Variants in CEMIP2 observed in about 807,000 individuals in gnomAD.
The protein encoded by CEMIP2 is cell surface hyaluronidase CEMIP2.
A neutral mutation model predicts 146.9 loss-of-function variants in CEMIP2; 79 were observed. That is an observed-to-expected ratio of 0.54 (90% CI 0.45 to 0.65). The LOEUF is 0.65. Among genes scored for constraint, CEMIP2 ranks in the 30% least tolerant of loss-of-function variants. The pLI, the probability that CEMIP2 is intolerant of heterozygous loss-of-function variation, is 0.00. For missense variants in CEMIP2, 1,596 were observed against 1,696.2 expected, an observed-to-expected ratio of 0.94 and a Z score of 1.04; for synonymous variants, 601 against 606.3, an observed-to-expected ratio of 0.99 and a Z score of 0.13.
At position 71,700,003 on chromosome 9, in the gene CEMIP2, G is replaced by A. The variant is rs114621260; in HGVS notation, c.3377+639C>T. Among the ~76,000 whole-genome samples, 1,332 of 152,240 alleles carry A rather than the reference G, an allele frequency of 8.7e-3. 28 individuals carry two copies. The highest frequency in any genetic ancestry group is 0.03 in the African/African-American group (1,253 of 41,534). Reference sequence around the variant, plus strand: ...TCCATTGGTATCTTTATAGTGCATAGACAATGGCATATAGGAGGAATGTCT... The same window carrying A: ...TCCATTGGTATCTTTATAGTGCATAAACAATGGCATATAGGAGGAATGTCT... On this transcript the variant is annotated intron_variant, in intron 19 of 23. Transcript: ENST00000377044.
intron 1 of CEMIP2, among the ~76,000 whole-genome samples, chr9:71,757,007 G>A (rs936318616): frequency 6.6e-6 from 1 of 152,200 alleles, no homozygotes; most frequent in Non-Finnish European, 1.5e-5. Flanking sequence ...CTCTTTAAAA[G>A]GGATTTTAGT....
chr9:71,744,325 C>T (rs770375400), intron 4 of CEMIP2, among the ~76,000 whole-genome samples: 3 of 152,008 alleles, frequency 2.0e-5, no homozygotes, highest in Non-Finnish European at 4.4e-5. Flanking sequence ...CAGTGAGATA[C>T]GATTGTACCA....
At chr9:71,729,478 G>A (rs1564013481) in intron 10 of CEMIP2, among the ~76,000 whole-genome samples, 1 of 152,034 alleles carries the variant, frequency 6.6e-6, no homozygotes, top group Non-Finnish European at 1.5e-5. Context: ...AATTAGCTGG[G>A]CGTGGTAGCA....
chr9:71,757,738 CTGGTT>C (rs886889776), intron 1 of CEMIP2, among the ~76,000 whole-genome samples: 4 of 152,092 alleles, frequency 2.6e-5, no homozygotes, highest in Non-Finnish European at 4.4e-5. Flanking sequence ...TTTAGATCTT[CTGGTT>C]TGGTTTGGTT....
At chr9:71,691,420 G>GAAAT (rs1822222902) in intron 21 of CEMIP2, among the ~76,000 whole-genome samples, 1 of 127,002 alleles carries the variant, frequency 7.9e-6, no homozygotes, top group Admixed American at 7.7e-5. Flanking sequence ...TCTGTCTCAG[G>GAAAT]AAAAAAAAAA....
intron 10 of CEMIP2, among the ~76,000 whole-genome samples, chr9:71,726,778 G>A (rs938229206): frequency 2.6e-5 from 4 of 152,152 alleles, no homozygotes; most frequent in African/African-American, 9.7e-5. Context: ...TCTGAAAAAT[G>A]TTTGCTACCT....
Position 71,700,051 on chromosome 9 carries a change from A to T in CEMIP2, c.3377+591T>A, listed in dbSNP as rs182908044. On this transcript the variant is annotated intron_variant, in intron 19 of 23. Transcript: ENST00000377044. Reference sequence around the variant, plus strand: ...TCTGCGTGAGGAGAAAGGCTGAAGGAACACGCTACCTGCTGGAAGAGTACA... The same window carrying T: ...TCTGCGTGAGGAGAAAGGCTGAAGGTACACGCTACCTGCTGGAAGAGTACA... Among the ~76,000 whole-genome samples the T allele has an allele frequency of 2.9e-3, 443 of 152,330 alleles. 2 individuals are homozygous for T. The highest frequency in any genetic ancestry group is 6.8e-3 in the Middle Eastern group (2 of 294).
At chr9:71,756,835 T>C (rs1389187857) in intron 1 of CEMIP2, among the ~76,000 whole-genome samples, 1 of 152,176 alleles carries the variant, frequency 6.6e-6, no homozygotes, top group African/African-American at 2.4e-5. Context: ...CAATATTTTG[T>C]AATAGTTTTA....
intron 1 of CEMIP2, among the ~76,000 whole-genome samples, chr9:71,756,090 T>G (rs886630680): frequency 6.6e-6 from 1 of 150,830 alleles, no homozygotes; most frequent in Non-Finnish European, 1.5e-5. Flanking sequence ...CAGGAGTGAT[T>G]GGTATTCTCG....
chr9:71,724,243 G>A (rs1221841143), intron 11 of CEMIP2, among the ~76,000 whole-genome samples: 6 of 151,816 alleles, frequency 4.0e-5, no homozygotes, highest in African/African-American at 1.5e-4. Context: ...GCAGTGAGCT[G>A]AGATCGCACC....
chr9:71,741,644 T>G (rs1823921654), intron 4 of CEMIP2, among the ~76,000 whole-genome samples: 2 of 133,008 alleles, frequency 1.5e-5, no homozygotes, highest in South Asian at 2.7e-4. Flanking sequence ...TTTTTTTTTT[T>G]TTTTTTTTTT....
chr9:71,768,497 G>A lies in CEMIP2; in HGVS notation c.-153C>T. ...CACTCGATTGCCGGCGCCCGCAGCT[G>A]CCGCTCGTACTCAACTGGCAGCCGC... On this transcript the variant is annotated 5_prime_UTR_variant, in exon 1 of 24. Coordinates refer to ENST00000377044, the MANE Select transcript of CEMIP2 (RefSeq NM_013390.3). 6.6e-6 allele frequency: 1 copy of A among 152,556 alleles called. No homozygotes were observed. Among genetic ancestry groups the A allele is most frequent in the Non-Finnish European group, 1.5e-5 (1 of 68,242 alleles). 9.5% of individuals were successfully genotyped at this position (152,556 alleles called of 1,614,324 possible). A position where few individuals can be genotyped will look rare whatever the true frequency, so the allele number is the denominator to read the frequency against.
At chr9:71,716,208 A>T (rs112384869) in intron 14 of CEMIP2, among the ~76,000 whole-genome samples, 3 of 152,034 alleles carry the variant, frequency 2.0e-5, no homozygotes, top group African/African-American at 7.2e-5. Flanking sequence ...TTTTCTCCCT[A>T]CTTTTACTCC....
chr9:71,689,689 A>G (rs992259838), intron 22 of CEMIP2, among the ~76,000 whole-genome samples: 2 of 152,214 alleles, frequency 1.3e-5, no homozygotes, highest in African/African-American at 4.8e-5. Flanking sequence ...AATCACTTCA[A>G]AATAGTAATA....
intron 12 of CEMIP2, among the ~76,000 whole-genome samples, chr9:71,722,143 A>C (rs1299760769): frequency 6.6e-6 from 1 of 152,196 alleles, no homozygotes; most frequent in Non-Finnish European, 1.5e-5. Context: ...AAACTTTCTC[A>C]ACATATCTCC....
rs140941518 is a variant in CEMIP2, at chr9:71,766,873, G to A, written c.-13+1484C>T. On this transcript the variant is annotated intron_variant, in intron 1 of 23. Transcript: ENST00000377044. The stretch of plus-strand genomic sequence containing the variant: ...GTCAGGAGGACTGAACAGAAAGCCA[G>A]AAGACAGATTTCCAGTTCCGCCCAA... Among the ~76,000 whole-genome samples, 93 of 152,312 alleles carry A rather than the reference G, an allele frequency of 6.1e-4. 1 individual carries two copies. The highest frequency in any genetic ancestry group is 1.0e-3 in the Non-Finnish European group (69 of 68,014).
chr9:71,723,601 G>A (rs1419878323), intron 11 of CEMIP2, among the ~76,000 whole-genome samples: 1 of 152,194 alleles, frequency 6.6e-6, no homozygotes, highest in East Asian at 1.9e-4. Context: ...CACTGAGACA[G>A]ACATATGAGA....
At chr9:71,735,636 G>A (rs1057265833) in intron 5 of CEMIP2, among the ~76,000 whole-genome samples, 2 of 151,948 alleles carry the variant, frequency 1.3e-5, no homozygotes, top group African/African-American at 4.8e-5. Context: ...AAAAAACATT[G>A]GCCAGGTATG....
At chr9:71,734,177 C>T (rs1372250011) in intron 6 of CEMIP2, among the ~76,000 whole-genome samples, 1 of 151,732 alleles carries the variant, frequency 6.6e-6, no homozygotes, top group East Asian at 1.9e-4. Context: ...AAATACCTAT[C>T]TGATTCCATT....
Sources: gnomAD v4.1 joint callset for allele counts (sites outside exome capture counted in the v4.1 genomes callset) on GRCh38, gnomAD v4.1.1 for gene constraint, MANE v1.5 for transcripts, NCBI Gene and HGNC (gene_info 2026-07-23, HGNC 2026-07-21) for gene names.